CDK13: variants seen among roughly 807,000 people sequenced by gnomAD.
The protein encoded by CDK13 is cyclin-dependent kinase 13.
CDK13 carries 40 observed loss-of-function variants against 137.6 expected under a neutral mutation model. That is an observed-to-expected ratio of 0.29 (90% CI 0.23 to 0.38). The LOEUF is 0.38. CDK13 is among the 10% of genes least tolerant of loss of function. The pLI, the probability that CDK13 is intolerant of heterozygous loss-of-function variation, is 1.00. For synonymous variants in CDK13, 869 were observed against 760.1 expected, an observed-to-expected ratio of 1.14 and a Z score of -2.36; for missense variants, 1,704 against 1,951.8, an observed-to-expected ratio of 0.87 and a Z score of 2.39.
chr7:40,087,755 G>A (rs1363571209), intron 11 of CDK13, among the ~76,000 whole-genome samples: 2 of 151,906 alleles, frequency 1.3e-5, no homozygotes, highest in Admixed American at 6.6e-5. Flanking sequence ...TGCCATGTTG[G>A]CCAGGCTGAT....
intron 1 of CDK13, among the ~76,000 whole-genome samples, chr7:39,981,792 C>CTT (rs545024171): frequency 1.8e-4 from 24 of 136,296 alleles, no homozygotes; most frequent in African/African-American, 4.6e-4. Context: ...TCCAAAATAT[C>CTT]TTTTTTTTTT....
intron 6 of CDK13, 53 bp from the exon 7 acceptor site, chr7:40,047,768 G>T (rs1785782282): frequency 5.1e-6 from 6 of 1,181,666 alleles, no homozygotes; most frequent in Non-Finnish European, 5.1e-6. Flanking sequence ...AATGTGTATT[G>T]TCAATTAAGA....
intron 2 of CDK13, among the ~76,000 whole-genome samples, chr7:39,994,061 G>A (rs907266050): frequency 3.3e-5 from 5 of 152,036 alleles, no homozygotes; most frequent in African/African-American, 9.7e-5. Flanking sequence ...TTCTGTGCTG[G>A]ATTTTCCTTA....
intron 5 of CDK13, among the ~76,000 whole-genome samples, chr7:40,003,206 A>ACACACT (rs374470130): frequency 1.2e-3 from 98 of 79,900 alleles, no homozygotes; most frequent in East Asian, 4.6e-3. Context: ...ACACACACAC[A>ACACACT]CTCTCTCTCT....
intron 9 of CDK13, chr7:40,067,455 A>G (rs908477038): frequency 3.3e-5 from 5 of 152,088 alleles, no homozygotes; most frequent in African/African-American, 1.2e-4. Context: ...GAGGCATGAG[A>G]ATTGCTTGAA....
intron 5 of CDK13, among the ~76,000 whole-genome samples, chr7:40,005,001 C>G (rs573933292): frequency 6.6e-6 from 1 of 151,892 alleles, no homozygotes; most frequent in East Asian, 1.9e-4. Flanking sequence ...ATGGTGAAAC[C>G]CATCTCAACT....
intron 12 of CDK13, among the ~76,000 whole-genome samples, chr7:40,088,939 G>A (rs1418481887): frequency 6.6e-6 from 1 of 152,108 alleles, no homozygotes; most frequent in African/African-American, 2.4e-5. Context: ...AATTAGCCGG[G>A]CGTGGTGGCA....
intron 1 of CDK13, among the ~76,000 whole-genome samples, chr7:39,976,769 A>T (rs1784121345): frequency 6.6e-6 from 1 of 152,194 alleles, no homozygotes; most frequent in African/African-American, 2.4e-5. Context: ...AATAAAAGTT[A>T]TGTGAATGTA....
At chr7:40,080,108 C>G (rs1786634627) in intron 11 of CDK13, among the ~76,000 whole-genome samples, 1 of 152,190 alleles carries the variant, frequency 6.6e-6, no homozygotes, top group Non-Finnish European at 1.5e-5. Flanking sequence ...CTGCTTCAGC[C>G]TCCCGAGTAG....
intron 5 of CDK13, among the ~76,000 whole-genome samples, chr7:40,020,826 C>G (rs1785100912): frequency 6.6e-6 from 1 of 152,200 alleles, no homozygotes; most frequent in African/African-American, 2.4e-5. Flanking sequence ...GGCACGGTGG[C>G]TCACGCCCAT....
chr7:40,025,647 G>T (rs1364993869), intron 5 of CDK13, among the ~76,000 whole-genome samples: 1 of 152,004 alleles, frequency 6.6e-6, no homozygotes. Context: ...TCTTATTGAA[G>T]AATTTTAAAA....
In CDK13 at chr7:40,021,108, T is replaced by TAC. The variant is rs1359649785; in HGVS notation, c.2353+19078_2353+19079insCA. Among the ~76,000 whole-genome samples the TAC allele has an allele frequency of 5.6e-3, 405 of 72,482 alleles. 2 individuals are homozygous for TAC. Among genetic ancestry groups the TAC allele is most frequent in the African/African-American group, 0.015 (217 of 14,208 alleles). The allele number at this position is 72,482 out of a possible 152,430, so 47.6% of individuals were successfully genotyped here. A position where few individuals can be genotyped will look rare whatever the true frequency, so the allele number is the denominator to read the frequency against. ...CCATCTCAGAGCAAACAAACGTATA[T>TAC]ATATATATATATATACACACACACA... On this transcript the variant is annotated intron_variant, in intron 5 of 13. Transcript: ENST00000181839.
At position 40,055,619 on chromosome 7, in the gene CDK13, A is replaced by G. The variant is rs550625013; in HGVS notation, c.2601-7207A>G. Reference sequence around the variant, plus strand: ...AGACAGAGTCTTTCTTGCTCTGTCAACCAGGCTGGGGTGCAGTGGTGTCAT... The same window carrying G: ...AGACAGAGTCTTTCTTGCTCTGTCAGCCAGGCTGGGGTGCAGTGGTGTCAT... On this transcript the variant is annotated intron_variant, in intron 7 of 13. Coordinates refer to ENST00000181839, the MANE Select transcript of CDK13 (RefSeq NM_003718.5). 1.1e-4 allele frequency among the ~76,000 whole-genome samples: 16 copies of G among 150,136 alleles called. 1 individual carries two copies. In the South Asian group the frequency reaches 1.9e-3, roughly 18 times the overall value.
At chr7:40,082,473 G>C (rs1309041202) in intron 11 of CDK13, among the ~76,000 whole-genome samples, 1 of 117,048 alleles carries the variant, frequency 8.5e-6, no homozygotes, top group African/African-American at 2.9e-5. Context: ...GCGACAGAGT[G>C]AGACTCCATT....
chr7:39,999,548 AGTTT>A, intron 4 of CDK13, 48 bp downstream of exon 4: 1 of 1,528,826 alleles, frequency 6.5e-7, no homozygotes, highest in Non-Finnish European at 8.8e-7. Flanking sequence ...GAATGTACTT[AGTTT>A]GTGTTTCTCT....
intron 1 of CDK13, among the ~76,000 whole-genome samples, chr7:39,954,990 C>CT (rs1257445381): frequency 7.2e-5 from 11 of 152,170 alleles, no homozygotes; most frequent in Admixed American, 3.9e-4. Context: ...ACAACTTGTT[C>CT]TTTGTCTTCA....
intron 5 of CDK13, among the ~76,000 whole-genome samples, chr7:40,002,901 C>CAAA (rs35726478): frequency 1.4e-5 from 1 of 73,882 alleles, no homozygotes; most frequent in African/African-American, 3.6e-5. Context: ...CCCATCTCTA[C>CAAA]AAAAAAAAAA....
chr7:40,083,508 C>A (rs2150540185), intron 11 of CDK13, among the ~76,000 whole-genome samples: 1 of 152,244 alleles, frequency 6.6e-6, no homozygotes, highest in South Asian at 2.1e-4. Flanking sequence ...AATATCAGTG[C>A]TACTTTGCCA....
intron 1 of CDK13, among the ~76,000 whole-genome samples, chr7:39,968,037 C>T (rs1783911078): frequency 6.6e-6 from 1 of 152,122 alleles, no homozygotes; most frequent in Admixed American, 6.5e-5. Context: ...AACTGTATTC[C>T]CTCTTTTGAG....
Sources: allele counts gnomAD v4.1 joint callset (sites outside exome capture counted in the v4.1 genomes callset), GRCh38; gene constraint gnomAD v4.1.1; transcripts MANE v1.5; gene names NCBI Gene and HGNC (gene_info 2026-07-23, HGNC 2026-07-21).